The following LIN52 variants were observed in gnomAD, a reference collection of about 807,000 sequenced individuals.
The protein encoded by LIN52 is protein lin-52 homolog.
LIN52 carries 4 observed loss-of-function variants against 18.5 expected under a neutral mutation model. The ratio of observed to expected loss-of-function variants is 0.22; its 90% CI spans 0.11 to 0.49. The LOEUF (loss-of-function observed/expected upper bound fraction) is 0.49. LIN52 is among the 20% of genes least tolerant of loss of function. The pLI is 0.97. For synonymous variants in LIN52, 34 were observed against 45.5 expected, an observed-to-expected ratio of 0.75 and a Z score of 1.02; for missense variants, 102 against 139.5, an observed-to-expected ratio of 0.73 and a Z score of 1.35.
chr14:74,142,087 T>C (rs551773897), intron 5 of LIN52, among the ~76,000 whole-genome samples: 1 of 152,170 alleles, frequency 6.6e-6, no homozygotes, highest in Non-Finnish European at 1.5e-5. Context: ...AGTTGTCTTC[T>C]CAGTCAAACA....
intron 3 of LIN52, 54 bp from the exon 4 acceptor site, chr14:74,097,740 T>C: frequency 7.7e-7 from 1 of 1,291,616 alleles, no homozygotes; most frequent in Middle Eastern, 1.8e-4. Context: ...ATAAGAATAA[T>C]AGGGTCTCCT....
intron 5 of LIN52, among the ~76,000 whole-genome samples, chr14:74,157,142 C>T (rs1191214242): frequency 6.6e-6 from 1 of 151,274 alleles, no homozygotes; most frequent in African/African-American, 2.4e-5. Context: ...AAGCAATTCT[C>T]CTGCCTCAGC....
chr14:74,182,559 G>C (rs893715747), intron 5 of LIN52, among the ~76,000 whole-genome samples: 1 of 151,998 alleles, frequency 6.6e-6, no homozygotes, highest in East Asian at 1.9e-4. Context: ...AAGAATGATC[G>C]CAGTAAAATT....
At chr14:74,107,887 C>G (rs183952356) in intron 5 of LIN52, among the ~76,000 whole-genome samples, 7 of 152,204 alleles carry the variant, frequency 4.6e-5, no homozygotes, top group African/African-American at 1.7e-4. Flanking sequence ...ATGTAATTCA[C>G]ATAGTCTATA....
intron 5 of LIN52, among the ~76,000 whole-genome samples, chr14:74,103,932 G>A (rs1347309421): frequency 2.7e-5 from 4 of 146,024 alleles, no homozygotes; most frequent in Non-Finnish European, 6.0e-5. Context: ...TCGCTCTGTC[G>A]CCAGGTTGGA....
chr14:74,170,367 A>G (rs2061265169), intron 5 of LIN52, among the ~76,000 whole-genome samples: 1 of 152,152 alleles, frequency 6.6e-6, no homozygotes, highest in Non-Finnish European at 1.5e-5. Flanking sequence ...TTGCTCTTTT[A>G]GGACTTGTAT....
intron 3 of LIN52, among the ~76,000 whole-genome samples, chr14:74,097,461 T>C (rs117145347): frequency 0.067 from 10,057 of 149,092 alleles, 532 homozygotes; most frequent in South Asian, 0.26. Context: ...AGTAATACTC[T>C]TACCCAGGCT....
intron 5 of LIN52, among the ~76,000 whole-genome samples, chr14:74,145,286 T>C (rs1035868865): frequency 5.9e-5 from 9 of 152,330 alleles, no homozygotes; most frequent in East Asian, 3.9e-4. Flanking sequence ...GTGAGTCTTA[T>C]TGTTTTTTCA....
chr14:74,166,408 T>C (rs1038545278), intron 5 of LIN52, among the ~76,000 whole-genome samples: 12 of 151,572 alleles, frequency 7.9e-5, no homozygotes, highest in African/African-American at 2.9e-4. Flanking sequence ...AGAGATGGGG[T>C]TTCTCCGTGT....
intron 5 of LIN52, among the ~76,000 whole-genome samples, chr14:74,164,058 T>C (rs1047189591): frequency 6.6e-6 from 1 of 151,754 alleles, no homozygotes; most frequent in Non-Finnish European, 1.5e-5. Context: ...CTCGGCTCAC[T>C]GCAAGCTCCG....
intron 5 of LIN52, among the ~76,000 whole-genome samples, chr14:74,135,309 C>T (rs748528645): frequency 1.3e-5 from 2 of 152,104 alleles, no homozygotes; most frequent in South Asian, 2.1e-4. Context: ...ATGTTCTGCC[C>T]GCGTTGGCCT....
chr14:74,097,259 CCA>C (rs2060819680), intron 3 of LIN52, among the ~76,000 whole-genome samples: 1 of 152,128 alleles, frequency 6.6e-6, no homozygotes, highest in Non-Finnish European at 1.5e-5. Context: ...ACCTATTCTT[CCA>C]CAGTGATTTC....
At chr14:74,090,585 T>C (rs2060767157) in intron 1 of LIN52, among the ~76,000 whole-genome samples, 1 of 152,196 alleles carries the variant, frequency 6.6e-6, no homozygotes, top group Non-Finnish European at 1.5e-5. Context: ...TTCACCCGTG[T>C]TGGCCTCCCA....
At chr14:74,099,444 T>C (rs1054740766) in intron 4 of LIN52, among the ~76,000 whole-genome samples, 8 of 152,226 alleles carry the variant, frequency 5.3e-5, no homozygotes, top group Non-Finnish European at 1.0e-4. Context: ...CTCATCAGCA[T>C]GTATTTCTTA....
At chr14:74,148,820 A>G (rs923281842) in intron 5 of LIN52, among the ~76,000 whole-genome samples, 4 of 152,176 alleles carry the variant, frequency 2.6e-5, no homozygotes, top group Non-Finnish European at 5.9e-5. Flanking sequence ...TTACATCATA[A>G]TTTGGCCACT....
At chr14:74,180,417 C>T (rs1280423389) in intron 5 of LIN52, among the ~76,000 whole-genome samples, 2 of 151,824 alleles carry the variant, frequency 1.3e-5, no homozygotes, top group Non-Finnish European at 2.9e-5. Context: ...AGGCGCCTGC[C>T]ACCATGCCCA....
chr14:74,198,947 C>T lies in LIN52; in HGVS notation c.309C>T (p.Phe103=). 6.2e-7 allele frequency: 1 copy of T among 1,613,212 alleles called. No individual in the cohort carries two copies. Among genetic ancestry groups the T allele is most frequent in the Admixed American group, 1.7e-5 (1 of 59,976 alleles). Residue 103 remains phenylalanine, a synonymous_variant, in exon 6 of 6, where the codon TTC becomes TTT. Transcript: ENST00000555028. ...DESREMTRGK[F]LNILEKPKK Reference sequence around the variant, plus strand: ...CCAGAGAGATGACACGGGGGAAATTCCTCAATATTCTAGAGAAGCCCAAGA... The same window carrying T: ...CCAGAGAGATGACACGGGGGAAATTTCTCAATATTCTAGAGAAGCCCAAGA...
Position 74,107,508 on chromosome 14 carries a change from CT to C in LIN52, c.283+6271del, listed in dbSNP as rs1210989034. Among the ~76,000 whole-genome samples the C allele has an allele frequency of 2.0e-5, 3 of 152,200 alleles. No individual in the cohort carries two copies. The East Asian group carries it at 5.8e-4, about 29-fold the overall frequency. Reference sequence around the variant, plus strand: ...TCATCCTTGATTTAGAAAGTGAGTGCTCTCTCTGGCCTCTCAAATTGCCCCT... The same window carrying C: ...TCATCCTTGATTTAGAAAGTGAGTGCCTCTCTGGCCTCTCAAATTGCCCCT... On this transcript the variant is annotated intron_variant, in intron 5 of 5. Coordinates refer to ENST00000555028, the MANE Select transcript of LIN52 (RefSeq NM_001024674.3).
chr14:74,194,737 C>T (rs2078899443), intron 5 of LIN52, among the ~76,000 whole-genome samples: 1 of 152,210 alleles, frequency 6.6e-6, no homozygotes, highest in Non-Finnish European at 1.5e-5. Context: ...TCCTGCACGG[C>T]ATACACCAGT....
Sources: gnomAD v4.1 joint callset for allele counts (sites outside exome capture counted in the v4.1 genomes callset) on GRCh38, gnomAD v4.1.1 for gene constraint, MANE v1.5 for transcripts, NCBI Gene and HGNC (gene_info 2026-07-23, HGNC 2026-07-21) for gene names.